The following MTUS2 variants were observed in gnomAD, a reference collection of about 807,000 sequenced individuals.
MTUS2 encodes the protein microtubule associated scaffold protein 2.
A neutral mutation model predicts 114.1 loss-of-function variants in MTUS2; 40 were observed. The observed-to-expected ratio is 0.35, with a 90% CI of 0.27 to 0.46. The LOEUF (loss-of-function observed/expected upper bound fraction) is 0.46, where lower values mean the gene tolerates loss of function less well. MTUS2 is among the 20% of genes least tolerant of loss of function. The pLI, the probability that MTUS2 is intolerant of heterozygous loss-of-function variation, is 1.00. For missense variants in MTUS2, 1,679 were observed against 1,705.4 expected, an observed-to-expected ratio of 0.98 and a Z score of 0.27; for synonymous variants, 688 against 672.0, an observed-to-expected ratio of 1.02 and a Z score of -0.37.
intron 9 of MTUS2, among the ~76,000 whole-genome samples, chr13:29,468,593 C>T (rs1305725289): frequency 2.0e-5 from 3 of 151,668 alleles, no homozygotes; most frequent in East Asian, 1.9e-4. Context: ...AATACACACA[C>T]ACACACACAC....
chr13:29,037,981 G>T (rs4377014), intron 4 of MTUS2, among the ~76,000 whole-genome samples: 68,119 of 151,902 alleles, frequency 0.45, 16,160 homozygotes, highest in South Asian at 0.72. Context: ...CAGAAGAGTT[G>T]GTTGTTACCC....
intron 5 of MTUS2, among the ~76,000 whole-genome samples, chr13:29,105,663 T>TG (rs35376820): frequency 0.59 from 82,876 of 139,924 alleles, 24,872 homozygotes; most frequent in Non-Finnish European, 0.69. Flanking sequence ...TTTTCTTTTT[T>TG]TCCTGGTGCA....
Position 28,996,957 on chromosome 13 carries a change from C to T in MTUS2, c.-242-27500C>T, listed in dbSNP as rs183072987. On this transcript the variant is annotated intron_variant, in intron 2 of 15. Transcript: ENST00000612955. Reference sequence around the variant, plus strand: ...CTTCTGCTTTTGAATGTGTTTGCTCCTGCTTCTCTAGTTCTTTTAATTGTG... The same window carrying T: ...CTTCTGCTTTTGAATGTGTTTGCTCTTGCTTCTCTAGTTCTTTTAATTGTG... 8.0e-4 allele frequency among the ~76,000 whole-genome samples: 122 copies of T among 152,088 alleles called. 1 individual carries two copies. The highest frequency in any genetic ancestry group is 7.4e-4 in the Non-Finnish European group (50 of 67,984).
chr13:29,394,080 A>G (rs897796450), intron 8 of MTUS2, among the ~76,000 whole-genome samples: 5 of 152,234 alleles, frequency 3.3e-5, no homozygotes, highest in African/African-American at 1.2e-4. Flanking sequence ...CACAGCTCCT[A>G]TATGATTTTG....
chr13:28,995,879 A>G (rs530823123), intron 2 of MTUS2, among the ~76,000 whole-genome samples: 21 of 152,182 alleles, frequency 1.4e-4, no homozygotes, highest in Non-Finnish European at 2.2e-4. Flanking sequence ...CTAATTGAAT[A>G]CCCTTTATTT....
intron 2 of MTUS2, among the ~76,000 whole-genome samples, chr13:28,947,943 G>C (rs770960935): frequency 6.6e-6 from 1 of 152,128 alleles, no homozygotes; most frequent in African/African-American, 2.4e-5. Context: ...AATTTCAGTG[G>C]CTTGCTTGAG....
rs1490877719 is a variant in MTUS2 at position 29,026,029 on chromosome 13, T to C, written c.1331T>C (p.Leu444Pro). 1 of 1,613,894 alleles carries C rather than the reference T, an allele frequency of 6.2e-7. No homozygotes were observed. The highest frequency in any genetic ancestry group is 8.5e-7 in the Non-Finnish European group (1 of 1,179,900). Reference protein sequence around the residue: ...DSHVAFIPNNLTDSKPLDVIE... With the variant: ...DSHVAFIPNNPTDSKPLDVIE... ...CATGTGGCTTTTATTCCTAATAATC[T>C]GACTGACAGCAAGCCCTTGGATGTC... Residue 444 changes from leucine (L) to proline (P), a missense_variant, in exon 3 of 16, where the codon CTG becomes CCG. Transcript: ENST00000612955.
chr13:29,326,337 A>T (rs1337906827), intron 7 of MTUS2, among the ~76,000 whole-genome samples: 1 of 152,218 alleles, frequency 6.6e-6, no homozygotes, highest in Non-Finnish European at 1.5e-5. Context: ...GTCGACTAAG[A>T]TGTGAAATCA....
rs183000497 is a variant in MTUS2, at chr13:28,984,594, G to A, written c.-242-39863G>A. 1.9e-3 allele frequency among the ~76,000 whole-genome samples: 291 copies of A among 152,304 alleles called. 1 individual carries two copies. The highest frequency in any genetic ancestry group is 3.2e-3 in the Non-Finnish European group (218 of 68,026). On this transcript the variant is annotated intron_variant, in intron 2 of 15. Coordinates refer to ENST00000612955, the MANE Select transcript of MTUS2 (RefSeq NM_001033602.4). ...AGAGTTGTTTGGAAGCCCCGTTCTG[G>A]CACTGACATCTGATGGAGCTGTATT...
chr13:29,009,605 T>G (rs1468829580), intron 2 of MTUS2, among the ~76,000 whole-genome samples: 1 of 152,178 alleles, frequency 6.6e-6, no homozygotes, highest in African/African-American at 2.4e-5. Context: ...TGAGAGAAGT[T>G]TTTGGGGTTA....
intron 5 of MTUS2, among the ~76,000 whole-genome samples, chr13:29,240,447 A>T (rs1464617690): frequency 6.6e-6 from 1 of 152,216 alleles, no homozygotes; most frequent in Non-Finnish European, 1.5e-5. Flanking sequence ...TGTAATGATG[A>T]TGGAAAGACT....
At chr13:28,938,860 A>T (rs1334758589) in intron 2 of MTUS2, among the ~76,000 whole-genome samples, 1 of 152,180 alleles carries the variant, frequency 6.6e-6, no homozygotes, top group Non-Finnish European at 1.5e-5. Context: ...TTTACTTTAA[A>T]ATGAGAATCC....
Position 29,001,661 on chromosome 13 carries a change from C to G in MTUS2, c.-242-22796C>G, listed in dbSNP as rs564852312. Among the ~76,000 whole-genome samples the G allele has an allele frequency of 2.6e-5, 4 of 152,268 alleles. No homozygotes were observed. In the South Asian group the frequency reaches 6.2e-4, roughly 24 times the overall value. ...GTGGCAGGCAGAACAGTGGCCCCCCCAAAATGTCCATATCCCAGTCCCTGG... is the reference window on the plus strand; with the variant it reads ...GTGGCAGGCAGAACAGTGGCCCCCCGAAAATGTCCATATCCCAGTCCCTGG... On this transcript the variant is annotated intron_variant, in intron 2 of 15. Transcript: ENST00000612955.
Position 29,480,061 on chromosome 13 carries a change from C to T in MTUS2, c.3185-89C>T, listed in dbSNP as rs760459532. 1 of 1,348,768 alleles carries T rather than the reference C, an allele frequency of 7.4e-7. No individual in the cohort carries two copies. Among genetic ancestry groups the T allele is most frequent in the African/African-American group, 1.5e-5 (1 of 68,536 alleles). 83.6% of individuals were successfully genotyped at this position (1,348,768 alleles called of 1,614,324 possible). ...GAGGACCTCGCCCTGTTTATTACGC[C>T]AGCCTTGATGATCTGACCATGGAGG... On this transcript the variant is annotated intron_variant, in intron 9 of 15. Transcript: ENST00000612955. This position sits in a 1 kb window ranked among gnomAD's most constrained non-coding sequence, Gnocchi z 4.4.
At chr13:29,189,941 A>T (rs1033677898) in intron 5 of MTUS2, among the ~76,000 whole-genome samples, 1 of 152,256 alleles carries the variant, frequency 6.6e-6, no homozygotes. Context: ...TCATGAGGGT[A>T]GAGCTCCCAC....
chr13:29,162,716 CAT>C (rs1398045463), intron 5 of MTUS2, among the ~76,000 whole-genome samples: 7 of 152,322 alleles, frequency 4.6e-5, no homozygotes, highest in East Asian at 1.9e-4. Context: ...TAAAGAACCA[CAT>C]GAGTCTAATT....
intron 8 of MTUS2, among the ~76,000 whole-genome samples, chr13:29,376,147 A>G (rs1191084897): frequency 6.6e-6 from 1 of 152,188 alleles, no homozygotes; most frequent in Non-Finnish European, 1.5e-5. Context: ...ATAGTAAATA[A>G]CTGAGTAAAT....
At chr13:29,471,636 C>T (rs1880305448) in intron 9 of MTUS2, among the ~76,000 whole-genome samples, 2 of 152,134 alleles carry the variant, frequency 1.3e-5, no homozygotes, top group African/African-American at 4.8e-5. Context: ...AGGCATTGTC[C>T]TCCCTCCCAC....
intron 5 of MTUS2, among the ~76,000 whole-genome samples, chr13:29,241,606 A>G (rs1048058521): frequency 4.2e-4 from 64 of 152,106 alleles, no homozygotes; most frequent in Non-Finnish European, 8.8e-5. Context: ...ATTTCTCAAA[A>G]ATCACATGCT....
Sources: allele counts gnomAD v4.1 joint callset (sites outside exome capture counted in the v4.1 genomes callset), GRCh38; gene constraint gnomAD v4.1.1; non-coding constraint Gnocchi (gnomAD v3.1); transcripts MANE v1.5; gene names NCBI Gene and HGNC (gene_info 2026-07-23, HGNC 2026-07-21).